ITGB6: variants seen among roughly 807,000 people sequenced by gnomAD.
ITGB6 encodes integrin beta-6.
ITGB6 carries 80 observed loss-of-function variants against 84.5 expected under a neutral mutation model. The observed-to-expected ratio is 0.95, with a 90% CI of 0.79 to 1.14. The LOEUF is 1.14. Ranked by LOEUF, ITGB6 falls within the 50% of genes most tolerant of loss-of-function variation. ITGB6 has a pLI of 0.00. For missense variants in ITGB6, 1,006 were observed against 968.0 expected, an observed-to-expected ratio of 1.04 and a Z score of -0.52; for synonymous variants, 383 against 354.9, an observed-to-expected ratio of 1.08 and a Z score of -0.89.
intron 7 of ITGB6, among the ~76,000 whole-genome samples, chr2:160,164,507 C>T (rs62175390): frequency 0.21 from 32,522 of 152,010 alleles, 3,761 homozygotes; most frequent in Admixed American, 0.34. Context: ...GTTTGGCTAA[C>T]TAACATGGCG....
chr2:160,122,815 T>C (rs58716738), intron 12 of ITGB6, among the ~76,000 whole-genome samples: 29,812 of 152,188 alleles, frequency 0.2, 3,200 homozygotes, highest in Admixed American at 0.32. Flanking sequence ...GTTCATTAAC[T>C]CAATCCATGC....
intron 2 of ITGB6, among the ~76,000 whole-genome samples, chr2:160,198,207 A>G (rs550027115): frequency 2.0e-5 from 3 of 152,242 alleles, no homozygotes; most frequent in Non-Finnish European, 4.4e-5. Flanking sequence ...AAAAAAAAGC[A>G]TAATTCTCTT....
chr2:160,142,068 A>C lies in ITGB6; in HGVS notation c.1021T>G (p.Tyr341Asp). 1 of 1,585,554 alleles carries C rather than the reference A, an allele frequency of 6.3e-7. No individual in the cohort carries two copies. Among genetic ancestry groups the C allele is most frequent in the Non-Finnish European group, 8.6e-7 (1 of 1,160,376 alleles). ...GTAGCTCCAGGAATAAGTTTTGCGT[A>C]ATTCTGTAAACAGAAAAAGAGTAAG... ...TQEQVHLYEN[Y>D]AKLIPGATVG... Residue 341 changes from tyrosine (Y) to aspartate (D), a missense_variant, in exon 8 of 15, where the codon TAC becomes GAC. By Grantham distance (160) the Tyr-to-Asp change is radical. Transcript: ENST00000283249.
At chr2:160,197,165 T>G (rs1686375123) in intron 2 of ITGB6, among the ~76,000 whole-genome samples, 1 of 152,056 alleles carries the variant, frequency 6.6e-6, no homozygotes, top group Admixed American at 6.6e-5. Flanking sequence ...TGCTTTTTGC[T>G]GGTGCCTGTA....
At chr2:160,150,651 A>G (rs1684378052) in intron 7 of ITGB6, among the ~76,000 whole-genome samples, 2 of 152,224 alleles carry the variant, frequency 1.3e-5, no homozygotes, top group African/African-American at 4.8e-5. Context: ...CAATTAAAAG[A>G]CACAGACTGG....
At chr2:160,196,039 C>T (rs1252230102) in intron 3 of ITGB6, among the ~76,000 whole-genome samples, 177 bp downstream of exon 3, 1 of 152,020 alleles carries the variant, frequency 6.6e-6, no homozygotes, top group Admixed American at 6.5e-5. Context: ...ATTGGAGTGC[C>T]GGGGCCAATG....
chr2:160,195,735 AT>A (rs1371535436), intron 3 of ITGB6, 120 bp from the exon 4 acceptor site: 1 of 1,103,978 alleles, frequency 9.1e-7, no homozygotes, highest in Non-Finnish European at 1.3e-6. Flanking sequence ...AATACATATG[AT>A]TTTATTAACT....
chr2:160,176,952 C>T (rs1388164031), intron 4 of ITGB6, among the ~76,000 whole-genome samples: 1 of 152,144 alleles, frequency 6.6e-6, no homozygotes, highest in Non-Finnish European at 1.5e-5. Context: ...TACATATGTA[C>T]AAACTATTCC....
At chr2:160,102,447 C>T (rs1324054573) in intron 14 of ITGB6, among the ~76,000 whole-genome samples, 1 of 152,196 alleles carries the variant, frequency 6.6e-6, no homozygotes, top group Non-Finnish European at 1.5e-5. Context: ...GCCAAAGAAC[C>T]AGCTGTCTTT....
At chr2:160,193,806 T>C (rs1686231220) in intron 4 of ITGB6, among the ~76,000 whole-genome samples, 1 of 152,222 alleles carries the variant, frequency 6.6e-6, no homozygotes, top group African/African-American at 2.4e-5. Flanking sequence ...TCCTCATGTT[T>C]ATGGATCTGC....
intron 14 of ITGB6, among the ~76,000 whole-genome samples, chr2:160,105,861 C>G (rs1243700035): frequency 6.6e-6 from 1 of 152,156 alleles, no homozygotes; most frequent in Non-Finnish European, 1.5e-5. Flanking sequence ...ACCTGTTTAC[C>G]TTTTACATTG....
chr2:160,150,626 A>C (rs1684376722), intron 7 of ITGB6, among the ~76,000 whole-genome samples: 1 of 152,236 alleles, frequency 6.6e-6, no homozygotes, highest in Non-Finnish European at 1.5e-5. Context: ...TTAAATGTAA[A>C]GGGGCTAAAT....
chr2:160,156,803 T>A (rs1160970456), intron 7 of ITGB6, among the ~76,000 whole-genome samples: 1 of 152,214 alleles, frequency 6.6e-6, no homozygotes, highest in African/African-American at 2.4e-5. Context: ...TCTTTCCTTA[T>A]ATTCTCTTTC....
At chr2:160,120,211 T>A (rs903411902) in intron 12 of ITGB6, among the ~76,000 whole-genome samples, 4 of 151,940 alleles carry the variant, frequency 2.6e-5, no homozygotes, top group African/African-American at 9.7e-5. Flanking sequence ...TAAAGACACA[T>A]GCACACGTAT....
chr2:160,115,607 C>A (rs1682731412), intron 12 of ITGB6, among the ~76,000 whole-genome samples: 1 of 152,226 alleles, frequency 6.6e-6, no homozygotes, highest in Non-Finnish European at 1.5e-5. Context: ...CAGAGTGCCT[C>A]TCCTCCTCCA....
chr2:160,142,850 C>T (rs575300850), intron 7 of ITGB6, among the ~76,000 whole-genome samples: 17 of 152,262 alleles, frequency 1.1e-4, no homozygotes, highest in African/African-American at 4.1e-4. Context: ...ATTTCCCCAC[C>T]CTGGAGTTTT....
At chr2:160,158,614 C>A (rs1684710486) in intron 7 of ITGB6, among the ~76,000 whole-genome samples, 1 of 152,204 alleles carries the variant, frequency 6.6e-6, no homozygotes, top group Admixed American at 6.5e-5. Flanking sequence ...GGTTCAGTAG[C>A]AGCCTATGTG....
intron 5 of ITGB6, 133 bp downstream of exon 5, chr2:160,173,841 T>C: frequency 1.3e-6 from 1 of 794,654 alleles, no homozygotes; most frequent in South Asian, 1.9e-5. Flanking sequence ...AAATTGTGTA[T>C]TTTAAGAAAA....
intron 7 of ITGB6, among the ~76,000 whole-genome samples, chr2:160,163,463 C>T (rs923688740): frequency 1.3e-5 from 2 of 152,090 alleles, no homozygotes; most frequent in African/African-American, 2.4e-5. Flanking sequence ...GAAACCCCGT[C>T]TCTACTAAAA....
Sources: gnomAD v4.1 joint callset for allele counts (sites outside exome capture counted in the v4.1 genomes callset) on GRCh38, gnomAD v4.1.1 for gene constraint, MANE v1.5 for transcripts, NCBI Gene and HGNC (gene_info 2026-07-23, HGNC 2026-07-21) for gene names.